Variants in LRMDA observed in about 807,000 individuals in gnomAD.
LRMDA encodes leucine-rich melanocyte differentiation-associated protein.
Under a neutral mutation model 29.8 loss-of-function variants are expected in LRMDA, and 18 were observed. That is an observed-to-expected ratio of 0.60 (90% CI 0.42 to 0.90). LRMDA has a LOEUF of 0.90. Among genes scored for constraint, LRMDA ranks in the 40% least tolerant of loss-of-function variants. LRMDA has a pLI of 0.00. For synonymous variants in LRMDA, 125 were observed against 109.4 expected (o/e 1.14, Z -0.89); for missense variants, 273 against 273.9 (o/e 1.00, Z 0.02).
At chr10:75,884,053 T>G (rs1475217882) in intron 2 of LRMDA, among the ~76,000 whole-genome samples, 1 of 151,994 alleles carries the variant, frequency 6.6e-6, no homozygotes, top group African/African-American at 2.4e-5. Context: ...TTGGCTAAAT[T>G]GATGGTCTGT....
intron 2 of LRMDA, among the ~76,000 whole-genome samples, chr10:75,637,187 G>A (rs1187918693): frequency 3.3e-5 from 5 of 152,156 alleles, no homozygotes; most frequent in African/African-American, 1.2e-4. Context: ...TTGGTGTTGG[G>A]TCATGACTTA....
At chr10:75,502,982 C>T (rs1219437169) in intron 2 of LRMDA, among the ~76,000 whole-genome samples, 1 of 152,110 alleles carries the variant, frequency 6.6e-6, no homozygotes, top group Non-Finnish European at 1.5e-5. Flanking sequence ...CACAGCAACA[C>T]CTATTTGTAT....
chr10:75,437,799 G>T (rs777214694), intron 1 of LRMDA, among the ~76,000 whole-genome samples: 1 of 152,180 alleles, frequency 6.6e-6, no homozygotes, highest in African/African-American at 2.4e-5. Context: ...CAGGAGCCCC[G>T]GACACACATT....
In LRMDA at chr10:76,557,403, A is replaced by G; in HGVS notation, c.*115A>G. 1.2e-6 allele frequency: 1 copy of G among 845,300 alleles called. No individual in the cohort carries two copies. The highest frequency in any genetic ancestry group is 1.9e-6 in the Non-Finnish European group (1 of 526,696). 52.4% of individuals were successfully genotyped at this position (845,300 alleles called of 1,614,324 possible). On this transcript the variant is annotated 3_prime_UTR_variant, in exon 7 of 7. Coordinates refer to ENST00000611255, the MANE Select transcript of LRMDA (RefSeq NM_001305581.2). ...GCCCACATTGCCTCTCTTTGGGAAA[A>G]GCTATGACTTCAGCTTTTGGTACCT...
At chr10:76,016,326 T>C (rs1847878192) in intron 2 of LRMDA, among the ~76,000 whole-genome samples, 1 of 152,068 alleles carries the variant, frequency 6.6e-6, no homozygotes. Flanking sequence ...GCCCTTACAT[T>C]GGGTGGCCCA....
chr10:76,261,023 T>A (rs1445831753), intron 5 of LRMDA: 1 of 152,068 alleles, frequency 6.6e-6, no homozygotes, highest in Non-Finnish European at 1.5e-5. Flanking sequence ...ATTTCAAGAC[T>A]GACTTTTATT....
chr10:75,954,807 T>G (rs1236070549), intron 2 of LRMDA, among the ~76,000 whole-genome samples: 1 of 152,222 alleles, frequency 6.6e-6, no homozygotes, highest in Non-Finnish European at 1.5e-5. Flanking sequence ...ATATTTTGTG[T>G]GAGAAACACA....
intron 5 of LRMDA, among the ~76,000 whole-genome samples, chr10:76,253,313 G>T (rs2132299363): frequency 6.6e-6 from 1 of 152,274 alleles, no homozygotes; most frequent in South Asian, 2.1e-4. Context: ...TTTTGATGTA[G>T]TTAATTGATC....
intron 2 of LRMDA, among the ~76,000 whole-genome samples, chr10:75,734,051 G>A (rs1031935795): frequency 6.6e-6 from 1 of 152,146 alleles, no homozygotes; most frequent in African/African-American, 2.4e-5. Flanking sequence ...CAAGGGAGAT[G>A]GTTATTGGAT....
chr10:76,473,630 G>T (rs557527473), intron 6 of LRMDA, among the ~76,000 whole-genome samples: 1,669 of 146,590 alleles, frequency 0.011, 15 homozygotes, highest in South Asian at 0.023. Context: ...AAAAAAAAAA[G>T]AAAAAAGAAA....
intron 2 of LRMDA, among the ~76,000 whole-genome samples, chr10:75,943,741 C>T (rs1046331885): frequency 4.6e-5 from 7 of 152,108 alleles, no homozygotes; most frequent in Non-Finnish European, 8.8e-5. Flanking sequence ...AGAGATTGGC[C>T]ATGGTTGCTT....
intron 2 of LRMDA, among the ~76,000 whole-genome samples, chr10:75,678,664 G>A (rs993277049): frequency 2.6e-5 from 4 of 152,168 alleles, no homozygotes; most frequent in Non-Finnish European, 4.4e-5. Flanking sequence ...TCTTGTTAAA[G>A]TCATCAAAAT....
intron 2 of LRMDA, among the ~76,000 whole-genome samples, chr10:75,445,889 ACT>A (rs1415365734): frequency 1.3e-5 from 2 of 152,168 alleles, no homozygotes; most frequent in Non-Finnish European, 2.9e-5. Context: ...ATTTTGCATC[ACT>A]CTGATAAATG....
intron 2 of LRMDA, among the ~76,000 whole-genome samples, chr10:75,727,087 CTT>C (rs1842639689): frequency 1.3e-5 from 2 of 152,196 alleles, no homozygotes; most frequent in East Asian, 3.9e-4. Flanking sequence ...GTTTCGCTAG[CTT>C]TAGCTGGCTT....
chr10:76,336,745 T>A (rs1052036561), intron 6 of LRMDA, among the ~76,000 whole-genome samples: 4 of 152,220 alleles, frequency 2.6e-5, no homozygotes, highest in Non-Finnish European at 5.9e-5. Context: ...TAAAACAGTC[T>A]TCTCCCTTGT....
chr10:76,182,902 C>T (rs904061145), intron 5 of LRMDA, among the ~76,000 whole-genome samples: 1 of 152,082 alleles, frequency 6.6e-6, no homozygotes, highest in Admixed American at 6.5e-5. Context: ...CAAGGGTAGT[C>T]AAAGTTGAAA....
At chr10:75,845,245 G>A (rs115830001) in intron 2 of LRMDA, among the ~76,000 whole-genome samples, 1,522 of 151,742 alleles carry the variant, frequency 0.01, 25 homozygotes, top group African/African-American at 0.035. Flanking sequence ...GTTTGCAGAC[G>A]GGTGGCTGTT....
chr10:75,932,332 G>C (rs894125722), intron 2 of LRMDA, among the ~76,000 whole-genome samples: 6 of 152,152 alleles, frequency 3.9e-5, no homozygotes, highest in Admixed American at 2.6e-4. Context: ...TAATAGAGGG[G>C]ATGGCTGTAG....
At chr10:75,718,449 A>G (rs1842528176) in intron 2 of LRMDA, among the ~76,000 whole-genome samples, 1 of 152,228 alleles carries the variant, frequency 6.6e-6, no homozygotes, top group South Asian at 2.1e-4. Flanking sequence ...GACCGAATGA[A>G]GTCTTGTGGC....
Sources: gnomAD v4.1 joint callset for allele counts (sites outside exome capture counted in the v4.1 genomes callset) on GRCh38, gnomAD v4.1.1 for gene constraint, MANE v1.5 for transcripts, NCBI Gene and HGNC (gene_info 2026-07-23, HGNC 2026-07-21) for gene names.